The following PTPRD variants were observed in gnomAD, a reference collection of about 807,000 sequenced individuals.
PTPRD encodes receptor-type tyrosine-protein phosphatase delta.
Under a neutral mutation model 214.5 loss-of-function variants are expected in PTPRD, and 34 were observed. The observed-to-expected ratio is 0.16, with a 90% CI of 0.12 to 0.21. The LOEUF (loss-of-function observed/expected upper bound fraction) is 0.21. Ranked by LOEUF, PTPRD falls within the 10% of genes least tolerant of loss-of-function variation. PTPRD has a pLI of 1.00. For missense variants in PTPRD, 2,545 were observed against 2,398.7 expected, an observed-to-expected ratio of 1.06 and a Z score of -1.27; for synonymous variants, 1,128 against 845.7, an observed-to-expected ratio of 1.33 and a Z score of -5.79.
chr9:9,950,155 C>G (rs765177219), intron 4 of PTPRD, among the ~76,000 whole-genome samples: 6 of 152,256 alleles, frequency 3.9e-5, no homozygotes, highest in Admixed American at 6.5e-5. Flanking sequence ...TTTGTGTGAA[C>G]TGTGGCTGAC....
chr9:8,833,479 G>T, intron 11 of PTPRD, among the ~76,000 whole-genome samples: 1 of 151,780 alleles, frequency 6.6e-6, no homozygotes. Flanking sequence ...ATTCTAATTA[G>T]CCTCTAGATT....
chr9:9,338,309 G>T (rs1157496209), intron 9 of PTPRD, among the ~76,000 whole-genome samples: 1 of 152,062 alleles, frequency 6.6e-6, no homozygotes, highest in Non-Finnish European at 1.5e-5. Context: ...AGAATATGTG[G>T]TACCTCTGGC....
At chr9:10,530,363 A>T (rs2055850247) in intron 2 of PTPRD, among the ~76,000 whole-genome samples, 1 of 152,122 alleles carries the variant, frequency 6.6e-6, no homozygotes, top group Non-Finnish European at 1.5e-5. Context: ...ATTTACGAAA[A>T]AGTAAGAAAT....
chr9:9,385,328 G>C lies in PTPRD; in HGVS notation c.-203+12121C>G, dbSNP rs150558761. 9.5e-3 allele frequency among the ~76,000 whole-genome samples: 1,450 copies of C among 152,174 alleles called. 13 individuals carry two copies. The highest frequency in any genetic ancestry group is 0.012 in the Non-Finnish European group (788 of 67,978). Reference sequence around the variant, plus strand: ...GATATAGACTATTTTTCTTCCGTATGATCAACAGTCTTCAAAACGTGGTCC... The same window carrying C: ...GATATAGACTATTTTTCTTCCGTATCATCAACAGTCTTCAAAACGTGGTCC... On this transcript the variant is annotated intron_variant, in intron 9 of 45. Transcript: ENST00000381196.
intron 2 of PTPRD, among the ~76,000 whole-genome samples, chr9:10,518,568 T>C (rs1393619728): frequency 6.6e-6 from 1 of 151,960 alleles, no homozygotes; most frequent in African/African-American, 2.4e-5. Context: ...AGTCTCGCAC[T>C]GTCACCCAGG....
At chr9:9,834,414 C>A (rs996167374) in intron 5 of PTPRD, among the ~76,000 whole-genome samples, 6 of 152,026 alleles carry the variant, frequency 3.9e-5, no homozygotes, top group African/African-American at 1.4e-4. Context: ...CCCTGAACTC[C>A]ACAAATTCAC....
At chr9:9,050,791 T>C (rs970304854) in intron 10 of PTPRD, among the ~76,000 whole-genome samples, 11 of 152,200 alleles carry the variant, frequency 7.2e-5, no homozygotes, top group Non-Finnish European at 1.2e-4. Flanking sequence ...TTCGTTGTTA[T>C]AATTGTTCTA....
At chr9:9,135,975 C>G (rs1029474725) in intron 10 of PTPRD, among the ~76,000 whole-genome samples, 40 of 150,596 alleles carry the variant, frequency 2.7e-4, no homozygotes, top group Non-Finnish European at 5.0e-4. Context: ...GTGAAATCAT[C>G]TTATAAATTA....
At chr9:9,340,542 T>C (rs547084971) in intron 9 of PTPRD, among the ~76,000 whole-genome samples, 1 of 152,334 alleles carries the variant, frequency 6.6e-6, no homozygotes, top group Non-Finnish European at 1.5e-5. Flanking sequence ...TAATGGGATC[T>C]ATCCCCATGC....
At chr9:8,609,514 T>C (rs1276604549) in intron 14 of PTPRD, among the ~76,000 whole-genome samples, 3 of 152,218 alleles carry the variant, frequency 2.0e-5, no homozygotes, top group Non-Finnish European at 4.4e-5. Context: ...GATGCCTGAA[T>C]CAGGTGGATG....
chr9:10,419,150 A>G (rs947634728), intron 2 of PTPRD, among the ~76,000 whole-genome samples: 2 of 151,938 alleles, frequency 1.3e-5, no homozygotes, highest in African/African-American at 4.8e-5. Flanking sequence ...TAAAAAAACC[A>G]CTTGTGTAAA....
At position 9,651,854 on chromosome 9, in the gene PTPRD, T is replaced by TA. The variant is rs71500992; in HGVS notation, c.-286-77074dup. ...TTTTTTTTTTTTTTTTTTTTTTTTT[T>TA]AATGGAGTCTCGCTCTGTCACCCAG... On this transcript the variant is annotated intron_variant, in intron 7 of 45. Transcript: ENST00000381196. Among the ~76,000 whole-genome samples, 6 of 138,632 alleles carry TA rather than the reference T, an allele frequency of 4.3e-5. No individual in the cohort carries two copies. In the East Asian group the frequency reaches 8.3e-4, roughly 19 times the overall value. 90.9% of individuals were successfully genotyped at this position (138,632 alleles called of 152,430 possible). A position where few individuals can be genotyped will look rare whatever the true frequency, so the allele number is the denominator to read the frequency against.
intron 5 of PTPRD, among the ~76,000 whole-genome samples, chr9:9,811,620 C>T (rs1464692620): frequency 2.6e-5 from 4 of 152,054 alleles, no homozygotes; most frequent in East Asian, 1.9e-4. Context: ...GGCAGAAGAA[C>T]GGTGTGAACA....
intron 11 of PTPRD, among the ~76,000 whole-genome samples, chr9:8,900,010 C>T (rs572190616): frequency 6.6e-6 from 1 of 152,124 alleles, no homozygotes; most frequent in Non-Finnish European, 1.5e-5. Context: ...ATTTTTCTTT[C>T]TTAAATTTTT....
intron 11 of PTPRD, among the ~76,000 whole-genome samples, chr9:8,786,626 GC>G (rs2095987385): frequency 6.6e-6 from 1 of 151,298 alleles, no homozygotes; most frequent in African/African-American, 2.4e-5. Flanking sequence ...CGTTGGCGAG[GC>G]TGGTCTGGAA....
intron 3 of PTPRD, among the ~76,000 whole-genome samples, chr9:10,266,744 GA>G (rs544724583): frequency 0.013 from 1,909 of 148,826 alleles, 44 homozygotes; most frequent in African/African-American, 0.044. Context: ...GCTAATTTTA[GA>G]AAAAAAAAAT....
chr9:9,147,360 A>T (rs147086725), intron 10 of PTPRD, among the ~76,000 whole-genome samples: 1,876 of 151,956 alleles, frequency 0.012, 19 homozygotes, highest in Middle Eastern at 0.02. Flanking sequence ...TTCTTTTTTT[A>T]AAATTTTTAT....
At chr9:8,732,521 A>C (rs1372472958) in intron 12 of PTPRD, among the ~76,000 whole-genome samples, 1 of 152,214 alleles carries the variant, frequency 6.6e-6, no homozygotes, top group African/African-American at 2.4e-5. Context: ...AATAACAAGA[A>C]CATCTAACAT....
intron 9 of PTPRD, among the ~76,000 whole-genome samples, chr9:9,343,791 A>T (rs970976993): frequency 2.6e-5 from 4 of 151,854 alleles, no homozygotes. Context: ...TATTCTTTTT[A>T]AAAATAGCAA....
Sources: allele counts gnomAD v4.1 joint callset (sites outside exome capture counted in the v4.1 genomes callset), GRCh38; gene constraint gnomAD v4.1.1; transcripts MANE v1.5; gene names NCBI Gene and HGNC (gene_info 2026-07-23, HGNC 2026-07-21).